Variants in MPP1 observed in about 807,000 individuals in gnomAD.
MPP1 encodes the protein MAGUK p55 scaffold protein 1, also known as 55 kDa erythrocyte membrane protein.
Under a neutral mutation model 38.2 loss-of-function variants are expected in MPP1, and 6 were observed. That is an observed-to-expected ratio of 0.16 (90% confidence interval 0.09 to 0.31). The LOEUF (loss-of-function observed/expected upper bound fraction) is 0.31, where lower values mean the gene tolerates loss of function less well. MPP1 is among the 10% of genes least tolerant of loss of function. The probability of loss-of-function intolerance (pLI) is 1.00; values close to 1 mark genes in which losing one functional copy is unlikely to be tolerated. For missense variants in MPP1, 293 were observed against 368.9 expected (o/e 0.79, Z 1.69); for synonymous variants, 153 against 146.3 (o/e 1.05, Z -0.33).
At chrX:154,799,703 T>A in intron 1 of MPP1, 1 of 1,132,892 alleles carries the variant, frequency 8.8e-7, no homozygotes, top group South Asian at 2.1e-5. Context: ...CTGTTAAGGA[T>A]GACTGCTGGG....
chrX:154,789,076 GT>G (rs1332128124), intron 5 of MPP1, among the ~76,000 whole-genome samples: 2 of 111,941 alleles, frequency 1.8e-5, no homozygotes, highest in Admixed American at 9.4e-5. Flanking sequence ...GGTGTACTCA[GT>G]TTGTGAAAAT....
At chrX:154,789,205 C>A (rs983629353) in intron 5 of MPP1, among the ~76,000 whole-genome samples, 18 of 112,277 alleles carry the variant, frequency 1.6e-4, no homozygotes, top group Non-Finnish European at 3.0e-4. Context: ...AAGTAACCTG[C>A]AATAGAAACT....
Position 154,789,966 on chromosome X carries a change from A to T in MPP1, c.468T>A (p.Leu156=). 1.7e-6 allele frequency: 2 copies of T among 1,203,993 alleles called. No individual in the cohort carries two copies. The highest frequency in any genetic ancestry group is 2.2e-6 in the Non-Finnish European group (2 of 889,510). The change falls in exon 5 of 12, where the codon CTT becomes CTA. Residue 156 remains leucine (L), a synonymous_variant. Coordinates refer to ENST00000369534, the MANE Select transcript of MPP1 (RefSeq NM_002436.4). ...TGGTGCCACCCACCTGTAGTGCAGGAAGACGGCTTTGCTGGTTGGGAATTA... is the reference window on the plus strand; with the variant it reads ...TGGTGCCACCCACCTGTAGTGCAGGTAGACGGCTTTGCTGGTTGGGAATTA... ...LKVIPNQQSR[L]PALQMFMRAQ...
At position 154,779,012 on chromosome X, in the gene MPP1, A is replaced by G; in HGVS notation, c.*165T>C. 2.0e-6 allele frequency: 1 copy of G among 494,935 alleles called. No individual in the cohort carries two copies. The highest frequency in any genetic ancestry group is 3.9e-5 in the East Asian group (1 of 25,972). The allele number at this position is 494,935 out of a possible 1,213,427, so 40.8% of individuals were successfully genotyped here. A position where few individuals can be genotyped will look rare whatever the true frequency, so the allele number is the denominator to read the frequency against. The stretch of plus-strand genomic sequence containing the variant: ...CTATCAGGAGAATCAACCCTTCAGG[A>G]GCCTGAGCAAGAAGACTGAACCTTA... On this transcript the variant is annotated 3_prime_UTR_variant, in exon 12 of 12. Transcript: ENST00000369534.
intron 4 of MPP1, 150 bp downstream of exon 4, chrX:154,790,833 A>G (rs1385316226): frequency 2.1e-6 from 1 of 471,312 alleles, no homozygotes; most frequent in East Asian, 3.6e-5. Context: ...GAAAATTATC[A>G]TTTCTTACAC....
rs1022457379 is a variant in MPP1, at chrX:154,781,545, C to T, written c.1149+55G>A. The T allele has an allele frequency of 6.1e-6, 7 of 1,140,079 alleles. No homozygotes were observed. In the African/African-American group the frequency reaches 7.2e-5, roughly 12 times the overall value. 94.0% of individuals were successfully genotyped at this position (1,140,079 alleles called of 1,213,427 possible). A position where few individuals can be genotyped will look rare whatever the true frequency, so the allele number is the denominator to read the frequency against. On this transcript the variant is annotated intron_variant, in intron 10 of 11. Coordinates refer to ENST00000369534, the MANE Select transcript of MPP1 (RefSeq NM_002436.4). ...GAAGATTCCCAAGGAGCACTGTCTT[C>T]GCCATCCCTTGTGTGGCTGAGCCCA...
intron 1 of MPP1, among the ~76,000 whole-genome samples, chrX:154,792,607 G>C (rs1247676944): frequency 1.8e-5 from 2 of 110,928 alleles, no homozygotes; most frequent in Non-Finnish European, 3.8e-5. Flanking sequence ...TGATTTACAT[G>C]GTGCTCTCCT....
Position 154,792,135 on chromosome X carries a change from G to A in MPP1, c.246+7C>T. 3 of 1,207,907 alleles carry A rather than the reference G, an allele frequency of 2.5e-6. No individual in the cohort carries two copies. Among genetic ancestry groups the A allele is most frequent in the Non-Finnish European group, 3.4e-6 (3 of 892,728 alleles). ...AACTGGTGGGCGACAATATGACGGGGGATTACCATGGGCTCTTCTGTGACC... is the reference window on the plus strand; with the variant it reads ...AACTGGTGGGCGACAATATGACGGGAGATTACCATGGGCTCTTCTGTGACC... On this transcript the variant is annotated splice_region_variant and intron_variant, in intron 2 of 11. Transcript: ENST00000369534.
intron 8 of MPP1, 61 bp from the exon 9 acceptor site, chrX:154,783,568 G>A (rs2072034519): frequency 2.0e-6 from 2 of 1,002,286 alleles, no homozygotes; most frequent in Middle Eastern, 2.6e-4. Context: ...ATAAGATACG[G>A]ATTTTCCTCT....
At chrX:154,788,720 G>A (rs2072107995) in intron 5 of MPP1, among the ~76,000 whole-genome samples, 1 of 112,023 alleles carries the variant, frequency 8.9e-6, no homozygotes, top group African/African-American at 3.2e-5. Flanking sequence ...CCATTTTTCT[G>A]TTAACGTGGT....
intron 4 of MPP1, 86 bp from the exon 5 acceptor site, chrX:154,790,108 C>T (rs1251423466): frequency 3.6e-6 from 2 of 552,981 alleles, no homozygotes; most frequent in Admixed American, 3.5e-5. Context: ...TTTTTTTCCC[C>T]AACAACCATC....
chrX:154,795,607 A>G (rs1281924371), intron 1 of MPP1, among the ~76,000 whole-genome samples: 1 of 110,626 alleles, frequency 9.0e-6, no homozygotes, highest in East Asian at 2.8e-4. Context: ...TCTACAAAAA[A>G]TAAAAAAATT....
intron 9 of MPP1, chrX:154,782,425 A>G (rs1300471739): frequency 9.0e-6 from 1 of 111,398 alleles, no homozygotes; most frequent in Non-Finnish European, 1.9e-5. Flanking sequence ...CTACAACCAC[A>G]TGTGATTCTC....
rs370054543 is a variant in MPP1 at position 154,783,451 on chromosome X, C to T, written c.922G>A (p.Glu308Lys). 6.6e-6 allele frequency: 8 copies of T among 1,208,392 alleles called. No individual in the cohort carries two copies. The African/African-American group carries it at 1.4e-4, about 21-fold the overall frequency. The change falls in exon 9 of 12, where the codon GAG becomes AAG. Residue 308 changes from glutamate (E) to lysine (K), a missense_variant. By Grantham distance (56) the Glu-to-Lys change is moderately conservative. Transcript: ENST00000369534. ...CATGGGACAGGGTACACAAACTTCT[C>T]CGGATTCTGGCTGAGCAGGGCATTC... is the stretch of plus-strand genomic sequence containing the variant. ...IKNALLSQNP[E>K]KFVYPVPYTT...
At chrX:154,801,781 A>C (rs1166179672) in intron 1 of MPP1, among the ~76,000 whole-genome samples, 8 of 86,963 alleles carry the variant, frequency 9.2e-5, no homozygotes, top group Admixed American at 2.4e-4. Context: ...AAAAAAAAAA[A>C]AAAAACAAAA....
At chrX:154,792,332 C>T (rs782789882) in intron 1 of MPP1, 47 bp from the exon 2 acceptor site, 1 of 1,156,939 alleles carries the variant, frequency 8.6e-7, no homozygotes, top group Admixed American at 2.3e-5. Context: ...AGGAGCAAGG[C>T]CCACAGCCAG....
intron 7 of MPP1, chrX:154,784,694 A>C: frequency 3.5e-6 from 1 of 284,991 alleles, no homozygotes; most frequent in Non-Finnish European, 6.5e-6. Context: ...TCTATAGTGC[A>C]AAATTTAAAA....
intron 1 of MPP1, among the ~76,000 whole-genome samples, chrX:154,792,629 G>A (rs1557267878): frequency 9.0e-6 from 1 of 110,747 alleles, no homozygotes; most frequent in African/African-American, 3.3e-5. Context: ...GATCCTGCTT[G>A]GGGTATTACA....
intron 1 of MPP1, among the ~76,000 whole-genome samples, chrX:154,794,595 T>C (rs1363599787): frequency 9.0e-6 from 1 of 111,642 alleles, no homozygotes; most frequent in African/African-American, 3.3e-5. Context: ...AGGGAAGATC[T>C]TCCCAATAGG....
Sources: gnomAD v4.1 joint callset for allele counts (sites outside exome capture counted in the v4.1 genomes callset) on GRCh38, gnomAD v4.1.1 for gene constraint, MANE v1.5 for transcripts, NCBI Gene and HGNC (gene_info 2026-07-23, HGNC 2026-07-21) for gene names.